The following MACROD2 variants were observed in gnomAD, a reference collection of about 807,000 sequenced individuals.
MACROD2 encodes the protein mono-ADP ribosylhydrolase 2.
In MACROD2, 36 loss-of-function variants were observed where a neutral mutation model predicts 70.4. That is an observed-to-expected ratio of 0.51 (90% confidence interval 0.39 to 0.68). The LOEUF (loss-of-function observed/expected upper bound fraction) is 0.68, where lower values mean the gene tolerates loss of function less well. Ranked by LOEUF, MACROD2 falls within the 30% of genes least tolerant of loss-of-function variation. The pLI is 0.00. For synonymous variants in MACROD2, 172 were observed against 178.8 expected, an observed-to-expected ratio of 0.96 and a Z score of 0.30; for missense variants, 496 against 538.4, an observed-to-expected ratio of 0.92 and a Z score of 0.78.
chr20:14,044,919 G>A (rs888129507), intron 2 of MACROD2, among the ~76,000 whole-genome samples: 2 of 152,204 alleles, frequency 1.3e-5, no homozygotes, highest in East Asian at 3.9e-4. Context: ...GGAGCCCATG[G>A]CAGTGGAGGG....
chr20:15,834,013 C>T (rs1486178595), intron 8 of MACROD2, among the ~76,000 whole-genome samples: 4 of 152,150 alleles, frequency 2.6e-5, no homozygotes, highest in African/African-American at 9.7e-5. Context: ...TCAGGCCCCT[C>T]AATTAAAATG....
At chr20:14,747,784 G>C (rs768926172) in intron 5 of MACROD2, among the ~76,000 whole-genome samples, 10 of 151,562 alleles carry the variant, frequency 6.6e-5, no homozygotes, top group Non-Finnish European at 1.3e-4. Context: ...TCCTATCTCT[G>C]TTGTTATAAT....
chr20:15,268,295 C>A (rs1211323302), intron 6 of MACROD2, among the ~76,000 whole-genome samples: 1 of 152,152 alleles, frequency 6.6e-6, no homozygotes, highest in Non-Finnish European at 1.5e-5. Context: ...GACTTATGAT[C>A]TTGTTGATAC....
intron 4 of MACROD2, among the ~76,000 whole-genome samples, chr20:14,535,914 A>G (rs991313349): frequency 7.2e-5 from 11 of 152,232 alleles, no homozygotes; most frequent in Non-Finnish European, 1.3e-4. Context: ...GTTAGCACTA[A>G]TGTAATTCAC....
intron 8 of MACROD2, among the ~76,000 whole-genome samples, chr20:15,627,131 T>A (rs1351798572): frequency 6.6e-6 from 1 of 150,740 alleles, no homozygotes; most frequent in Admixed American, 6.7e-5. Flanking sequence ...TACAAGTTTG[T>A]GAACAGTGAT....
chr20:15,811,280 T>C (rs1290935989), intron 8 of MACROD2, among the ~76,000 whole-genome samples: 1 of 151,300 alleles, frequency 6.6e-6, no homozygotes, highest in African/African-American at 2.4e-5. Context: ...GGGCAAAGGA[T>C]ATGAACAGAC....
At chr20:15,983,967 T>C (rs1454782809) in intron 13 of MACROD2, among the ~76,000 whole-genome samples, 1 of 152,204 alleles carries the variant, frequency 6.6e-6, no homozygotes, top group Non-Finnish European at 1.5e-5. Flanking sequence ...TTATATTTAA[T>C]AATGTTTCTT....
intron 6 of MACROD2, among the ~76,000 whole-genome samples, chr20:15,337,503 A>G (rs1271831353): frequency 1.3e-5 from 2 of 151,818 alleles, no homozygotes; most frequent in African/African-American, 4.9e-5. Flanking sequence ...ACTAATAAAA[A>G]TTACATATAT....
At chr20:14,872,668 T>TAA (rs1175746716) in intron 5 of MACROD2, among the ~76,000 whole-genome samples, 1 of 152,150 alleles carries the variant, frequency 6.6e-6, no homozygotes, top group Non-Finnish European at 1.5e-5. Flanking sequence ...TGGTTTAGTG[T>TAA]AATACCTGAA....
chr20:15,987,023 A>G (rs2066494328), intron 14 of MACROD2, 43 bp from the exon 15 acceptor site: 2 of 1,515,166 alleles, frequency 1.3e-6, no homozygotes, highest in Admixed American at 2.0e-5. Context: ...CAATGATTCC[A>G]ACTAAAACAA....
chr20:15,593,752 T>C (rs2048709269), intron 8 of MACROD2, among the ~76,000 whole-genome samples: 2 of 152,240 alleles, frequency 1.3e-5, no homozygotes, highest in Admixed American at 1.3e-4. Context: ...TATTTCATTT[T>C]TTTCTGAGAG....
chr20:14,605,997 G>C (rs112136020), intron 4 of MACROD2, among the ~76,000 whole-genome samples: 38 of 152,144 alleles, frequency 2.5e-4, no homozygotes, highest in African/African-American at 8.2e-4. Context: ...ACTGTTGCTT[G>C]GTTGCTCTTG....
intron 3 of MACROD2, among the ~76,000 whole-genome samples, chr20:14,091,174 A>T (rs902528181): frequency 7.2e-5 from 11 of 151,994 alleles, no homozygotes; most frequent in Non-Finnish European, 1.5e-4. Flanking sequence ...TTTTTTGCAA[A>T]TATTTTCTCC....
intron 3 of MACROD2, among the ~76,000 whole-genome samples, chr20:14,142,399 G>T (rs1406267469): frequency 6.6e-6 from 1 of 152,138 alleles, no homozygotes; most frequent in Non-Finnish European, 1.5e-5. Context: ...TCAGCTTGGC[G>T]CTTTACCATC....
chr20:15,712,520 A>G (rs1284072284), intron 8 of MACROD2, among the ~76,000 whole-genome samples: 1 of 152,158 alleles, frequency 6.6e-6, no homozygotes, highest in Non-Finnish European at 1.5e-5. Flanking sequence ...TAGACCTATC[A>G]CTAACAGGGC....
At chr20:15,534,787 T>C (rs1415286436) in intron 8 of MACROD2, among the ~76,000 whole-genome samples, 1 of 152,126 alleles carries the variant, frequency 6.6e-6, no homozygotes, top group Non-Finnish European at 1.5e-5. Flanking sequence ...AGTTCTGAGT[T>C]TGTCAGATCC....
chr20:15,995,656 T>TTTTTTTTTTTTTTTTTTTTTTTTTA (rs2066620090), intron 15 of MACROD2, among the ~76,000 whole-genome samples: 1 of 130,862 alleles, frequency 7.6e-6, no homozygotes, highest in Non-Finnish European at 1.6e-5. Flanking sequence ...GGCCTTTTTT[T>TTTTTTTTTTTTTTTTTTTTTTTTTA]TTTTTTTTTT....
intron 3 of MACROD2, among the ~76,000 whole-genome samples, chr20:14,291,782 G>T (rs747315406): frequency 6.6e-6 from 1 of 151,866 alleles, no homozygotes; most frequent in African/African-American, 2.4e-5. Flanking sequence ...AATAAAGCTT[G>T]TCTCTCATAT....
At chr20:14,109,462 A>G (rs1002430599) in intron 3 of MACROD2, among the ~76,000 whole-genome samples, 2 of 151,854 alleles carry the variant, frequency 1.3e-5, no homozygotes, top group Non-Finnish European at 2.9e-5. Context: ...CAATCAAATA[A>G]AAAGTTTGGT....
Sources: gnomAD v4.1 joint callset for allele counts (sites outside exome capture counted in the v4.1 genomes callset) on GRCh38, gnomAD v4.1.1 for gene constraint, MANE v1.5 for transcripts, NCBI Gene and HGNC (gene_info 2026-07-23, HGNC 2026-07-21) for gene names.